Variants in ADAM22 observed in about 807,000 individuals in gnomAD.
ADAM22 encodes disintegrin and metalloproteinase domain-containing protein 22.
ADAM22 carries 65 observed loss-of-function variants against 144.6 expected under a neutral mutation model. The observed-to-expected ratio is 0.45, with a 90% CI of 0.37 to 0.55. The LOEUF (loss-of-function observed/expected upper bound fraction) is 0.55. Ranked by LOEUF, ADAM22 falls within the 20% of genes least tolerant of loss-of-function variation. The pLI is 0.00. For synonymous variants in ADAM22, 391 were observed against 412.6 expected, an observed-to-expected ratio of 0.95 and a Z score of 0.63; for missense variants, 974 against 1,184.9, an observed-to-expected ratio of 0.82 and a Z score of 2.61.
At chr7:87,954,643 G>C (rs1182545994) in intron 2 of ADAM22, among the ~76,000 whole-genome samples, 1 of 152,124 alleles carries the variant, frequency 6.6e-6, no homozygotes, top group Non-Finnish European at 1.5e-5. Context: ...TTCTCGAGGA[G>C]TATCTTTGTG....
chr7:88,194,951 G>T (rs573606210), intron 31 of ADAM22, among the ~76,000 whole-genome samples: 1 of 152,314 alleles, frequency 6.6e-6, no homozygotes, highest in South Asian at 2.1e-4. Context: ...AGATAGCATG[G>T]TGGCTTTACC....
intron 4 of ADAM22, among the ~76,000 whole-genome samples, chr7:88,096,582 T>C (rs910401098): frequency 2.0e-5 from 3 of 151,432 alleles, no homozygotes; most frequent in Admixed American, 6.6e-5. Flanking sequence ...ATATAATATT[T>C]TAAAAAATTG....
chr7:88,023,506 A>G (rs1585078683), intron 3 of ADAM22, among the ~76,000 whole-genome samples: 1 of 151,940 alleles, frequency 6.6e-6, no homozygotes, highest in Admixed American at 6.6e-5. Context: ...TGCAACCTCC[A>G]CCTCCCAGGT....
chr7:88,032,566 G>A (rs1441215365), intron 3 of ADAM22, among the ~76,000 whole-genome samples: 1 of 152,174 alleles, frequency 6.6e-6, no homozygotes, highest in Non-Finnish European at 1.5e-5. Context: ...AGTTAATGCT[G>A]GAATGAGTTA....
Position 87,960,530 on chromosome 7 carries a change from T to G in ADAM22, c.247-17806T>G, listed in dbSNP as rs1357309942. On this transcript the variant is annotated intron_variant, in intron 2 of 31. Coordinates refer to ENST00000413139, the MANE Select transcript of ADAM22 (RefSeq NM_001324418.2). The stretch of plus-strand genomic sequence containing the variant: ...TCTGAACCTTCTGGCCCTTGTGCAG[T>G]TGGGTATTTCAGTTATGTTAGAGCT... Among the ~76,000 whole-genome samples the G allele has an allele frequency of 4.6e-5, 7 of 152,252 alleles. No homozygotes were observed. In the East Asian group the frequency reaches 1.4e-3, roughly 29 times the overall value.
chr7:88,045,223 G>T (rs943553851), intron 3 of ADAM22, among the ~76,000 whole-genome samples: 7 of 152,040 alleles, frequency 4.6e-5, no homozygotes, highest in Non-Finnish European at 1.0e-4. Context: ...TCACCATGTT[G>T]GCCAGGCTGG....
chr7:88,184,412 C>A, intron 29 of ADAM22: 1 of 380,770 alleles, frequency 2.6e-6, no homozygotes, highest in Admixed American at 3.5e-5. Context: ...GGTCAGTCTC[C>A]ACCTGCCCCT....
intron 10 of ADAM22, among the ~76,000 whole-genome samples, chr7:88,130,979 A>C (rs1160528510): frequency 1.3e-5 from 2 of 152,136 alleles, no homozygotes; most frequent in Non-Finnish European, 2.9e-5. Context: ...TCAAGCATGC[A>C]TGAATTCTTT....
chr7:88,052,685 C>G (rs888883355), intron 3 of ADAM22, among the ~76,000 whole-genome samples: 4 of 152,124 alleles, frequency 2.6e-5, no homozygotes, highest in African/African-American at 9.7e-5. Flanking sequence ...TTGTTTATCT[C>G]TATTGTTCCT....
intron 26 of ADAM22, among the ~76,000 whole-genome samples, 173 bp downstream of exon 26, chr7:88,171,734 A>G (rs1844370547): frequency 1.3e-5 from 2 of 151,844 alleles, no homozygotes; most frequent in Admixed American, 1.3e-4. Context: ...GCTGTGAAAT[A>G]TAGCAATTTA....
At chr7:87,987,291 G>T (rs1163407219) in intron 3 of ADAM22, among the ~76,000 whole-genome samples, 1 of 152,106 alleles carries the variant, frequency 6.6e-6, no homozygotes, top group Admixed American at 6.5e-5. Context: ...CAATTCTCCT[G>T]CCTCAGCCTC....
intron 3 of ADAM22, among the ~76,000 whole-genome samples, chr7:88,039,221 A>C (rs1802346031): frequency 6.6e-6 from 1 of 151,460 alleles, no homozygotes; most frequent in Non-Finnish European, 1.5e-5. Context: ...AGGGAGGCGG[A>C]TCACGAGGTC....
intron 4 of ADAM22, among the ~76,000 whole-genome samples, chr7:88,092,810 C>T (rs531445181): frequency 6.6e-6 from 1 of 152,268 alleles, no homozygotes; most frequent in South Asian, 2.1e-4. Context: ...GGCCCATTGC[C>T]AGTTTATACA....
In ADAM22 at chr7:88,104,922, A is replaced by C. The variant is rs1270046029; in HGVS notation, c.391-3254A>C. Among the ~76,000 whole-genome samples the C allele has an allele frequency of 2.0e-5, 3 of 152,024 alleles. No homozygotes were observed. The East Asian group carries it at 5.8e-4, about 29-fold the overall frequency. ...TAGGCTTTTGTGCAGATGCATCCTG[A>C]TCATCTGCTATTTTTGGCTTGACTC... On this transcript the variant is annotated intron_variant, in intron 4 of 31. Coordinates refer to ENST00000413139, the MANE Select transcript of ADAM22 (RefSeq NM_001324418.2).
rs1850880840 is a variant in ADAM22, at chr7:88,198,217, T to G, written c.*1726T>G. On this transcript the variant is annotated 3_prime_UTR_variant, in exon 32 of 32. Coordinates refer to ENST00000413139, the MANE Select transcript of ADAM22 (RefSeq NM_001324418.2). ...CATATCATCTTCATATGTAATCAATTTGATTACATATCATGCCCAAACTGA... is the reference window on the plus strand; with the variant it reads ...CATATCATCTTCATATGTAATCAATGTGATTACATATCATGCCCAAACTGA... 6.6e-6 allele frequency: 1 copy of G among 152,244 alleles called. No individual in the cohort carries two copies. Among genetic ancestry groups the G allele is most frequent in the African/African-American group, 2.4e-5 (1 of 41,470 alleles). The allele number at this position is 152,244 out of a possible 1,614,324, so 9.4% of individuals were successfully genotyped here.
At chr7:87,973,293 T>G (rs1430873642) in intron 2 of ADAM22, among the ~76,000 whole-genome samples, 2 of 152,130 alleles carry the variant, frequency 1.3e-5, no homozygotes, top group African/African-American at 4.8e-5. Flanking sequence ...GAACAGACAC[T>G]TCTCAAAAGA....
intron 2 of ADAM22, among the ~76,000 whole-genome samples, chr7:87,971,091 T>G (rs781782268): frequency 5.3e-5 from 8 of 152,166 alleles, no homozygotes; most frequent in Non-Finnish European, 1.2e-4. Context: ...TAACTATAAC[T>G]CTGAGTTTGT....
intron 26 of ADAM22, among the ~76,000 whole-genome samples, chr7:88,171,940 C>T (rs1358678525): frequency 6.6e-6 from 1 of 151,656 alleles, no homozygotes; most frequent in African/African-American, 2.4e-5. Flanking sequence ...CTCTTATTGC[C>T]TAATACTTTC....
chr7:88,122,691 A>G (rs1369446361), intron 7 of ADAM22, among the ~76,000 whole-genome samples: 2 of 152,176 alleles, frequency 1.3e-5, no homozygotes, highest in African/African-American at 2.4e-5. Flanking sequence ...TGCCCTATGT[A>G]GTCCCAGGAT....
Sources: allele counts gnomAD v4.1 joint callset (sites outside exome capture counted in the v4.1 genomes callset), GRCh38; gene constraint gnomAD v4.1.1; transcripts MANE v1.5; gene names NCBI Gene and HGNC (gene_info 2026-07-23, HGNC 2026-07-21).